Variants in NAV2 observed in about 807,000 individuals in gnomAD.
NAV2 encodes neuron navigator 2, also known as helicase, APC down-regulated 1.
Under a neutral mutation model 223.2 loss-of-function variants are expected in NAV2, and 54 were observed. The ratio of observed to expected loss-of-function variants is 0.24; its 90% CI spans 0.19 to 0.30. NAV2 has a LOEUF of 0.30. Ranked by LOEUF, NAV2 falls within the 10% of genes least tolerant of loss-of-function variation. The pLI is 1.00. For missense variants in NAV2, 2,806 were observed against 3,147.5 expected (o/e 0.89, Z 2.60); for synonymous variants, 1,279 against 1,239.3 (o/e 1.03, Z -0.67).
chr11:19,910,351 C>T (rs1212858745), intron 6 of NAV2, among the ~76,000 whole-genome samples: 2 of 152,120 alleles, frequency 1.3e-5, no homozygotes, highest in Non-Finnish European at 1.5e-5. Flanking sequence ...ATGAACAAAA[C>T]CAGCCAATGC....
chr11:19,510,580 A>G (rs1306220082), intron 1 of NAV2, among the ~76,000 whole-genome samples: 3 of 152,164 alleles, frequency 2.0e-5, no homozygotes, highest in Non-Finnish European at 4.4e-5. Flanking sequence ...AGGTGAGAGG[A>G]GGTTAATTAC....
chr11:19,949,214 G>T (rs1312778562), intron 10 of NAV2, 134 bp downstream of exon 10: 5 of 1,001,364 alleles, frequency 5.0e-6, no homozygotes, highest in Non-Finnish European at 7.1e-6. Context: ...CCATATCAAA[G>T]GCTGTGTGAC....
At chr11:19,500,454 T>C (rs1032191) in intron 1 of NAV2, among the ~76,000 whole-genome samples, 125,178 of 152,214 alleles carry the variant, frequency 0.82, 51,909 homozygotes, top group Non-Finnish European at 0.89. Flanking sequence ...CACCCATTCC[T>C]ATCCCCAATT....
At chr11:20,021,425 C>A (rs2054496458) in intron 11 of NAV2, among the ~76,000 whole-genome samples, 1 of 152,154 alleles carries the variant, frequency 6.6e-6, no homozygotes, top group South Asian at 2.1e-4. Flanking sequence ...ACAATGGAAA[C>A]TTTTTAGAGC....
intron 1 of NAV2, among the ~76,000 whole-genome samples, chr11:19,682,510 A>T (rs1445677656): frequency 6.6e-6 from 1 of 152,224 alleles, no homozygotes; most frequent in Non-Finnish European, 1.5e-5. Context: ...GTATTGTGTC[A>T]GTCCATTTGT....
At chr11:19,551,896 CT>C (rs1433934952) in intron 1 of NAV2, among the ~76,000 whole-genome samples, 4 of 137,680 alleles carry the variant, frequency 2.9e-5, no homozygotes, top group African/African-American at 1.4e-4. Context: ...CTCCTCTCCT[CT>C]TCTCTCTCTC....
At chr11:19,456,483 G>A (rs1851962309) in intron 1 of NAV2, among the ~76,000 whole-genome samples, 3 of 152,304 alleles carry the variant, frequency 2.0e-5, no homozygotes, top group Non-Finnish European at 2.9e-5. Flanking sequence ...AGGAGCCACA[G>A]AGAGGCTGTG....
intron 1 of NAV2, among the ~76,000 whole-genome samples, chr11:19,656,218 C>A (rs1173860360): frequency 6.6e-6 from 1 of 152,158 alleles, no homozygotes; most frequent in Non-Finnish European, 1.5e-5. Context: ...CAGAGACCAC[C>A]ATTACCAGGG....
chr11:19,476,341 A>G (rs1390969834), intron 1 of NAV2, among the ~76,000 whole-genome samples: 1 of 152,180 alleles, frequency 6.6e-6, no homozygotes, highest in Non-Finnish European at 1.5e-5. Flanking sequence ...ATTAAGATGT[A>G]AGATAATGCA....
intron 1 of NAV2, among the ~76,000 whole-genome samples, chr11:19,526,036 C>G (rs2043833862): frequency 6.6e-6 from 1 of 152,046 alleles, no homozygotes; most frequent in African/African-American, 2.4e-5. Context: ...GAAATGTTGC[C>G]CCAGAAGAAG....
At chr11:19,401,767 G>C (rs1849695954) in intron 1 of NAV2, 1 of 152,148 alleles carries the variant, frequency 6.6e-6, no homozygotes, top group African/African-American at 2.4e-5. Flanking sequence ...TATATTTCAT[G>C]GAACACTAAA....
chr11:19,392,346 T>A (rs1456738389), intron 1 of NAV2, among the ~76,000 whole-genome samples: 1 of 151,672 alleles, frequency 6.6e-6, no homozygotes, highest in Non-Finnish European at 1.5e-5. Flanking sequence ...TATATTTTGT[T>A]CAGGAATATA....
At chr11:19,538,918 A>G (rs2134505415) in intron 1 of NAV2, among the ~76,000 whole-genome samples, 1 of 145,978 alleles carries the variant, frequency 6.9e-6, no homozygotes, top group East Asian at 1.9e-4. Flanking sequence ...TCTTTCCACT[A>G]TAATTTAAAG....
chr11:19,411,732 T>G (rs1850154369), intron 1 of NAV2, among the ~76,000 whole-genome samples: 1 of 152,102 alleles, frequency 6.6e-6, no homozygotes, highest in Non-Finnish European at 1.5e-5. Context: ...AAGGGCTATC[T>G]AAATCCAAGA....
chr11:19,478,100 A>T (rs900761759), intron 1 of NAV2, among the ~76,000 whole-genome samples: 7 of 152,192 alleles, frequency 4.6e-5, no homozygotes, highest in Non-Finnish European at 1.0e-4. Flanking sequence ...TATATATGTT[A>T]AAAAAATGTT....
chr11:19,797,144 G>T (rs922359695), intron 1 of NAV2, among the ~76,000 whole-genome samples: 2 of 152,126 alleles, frequency 1.3e-5, no homozygotes, highest in African/African-American at 4.8e-5. Flanking sequence ...ATGTGGGCCT[G>T]GTCGGCATGA....
Position 19,372,377 on chromosome 11 carries a change from G to A in NAV2, c.75+21350G>A, listed in dbSNP as rs2133865793. Among the ~76,000 whole-genome samples, 2 of 152,308 alleles carry A rather than the reference G, an allele frequency of 1.3e-5. 1 individual carries two copies. The highest frequency in any genetic ancestry group is 6.8e-3 in the Middle Eastern group (2 of 294). ...CCTTTGAAATCTGGGAGCTTTCTCTGCTGCCCCATCCACTGGGCTCAGTAC... is the reference window on the plus strand; with the variant it reads ...CCTTTGAAATCTGGGAGCTTTCTCTACTGCCCCATCCACTGGGCTCAGTAC... On this transcript the variant is annotated intron_variant, in intron 1 of 37. Transcript: ENST00000360655.
At chr11:19,489,399 T>C (rs940664436) in intron 1 of NAV2, among the ~76,000 whole-genome samples, 3 of 152,214 alleles carry the variant, frequency 2.0e-5, no homozygotes, top group Admixed American at 6.5e-5. Flanking sequence ...AGGAACACTG[T>C]GTACTATGAT....
intron 1 of NAV2, among the ~76,000 whole-genome samples, chr11:19,419,169 G>A (rs1275369736): frequency 1.3e-5 from 2 of 152,152 alleles, no homozygotes; most frequent in Non-Finnish European, 2.9e-5. Context: ...CATGGCCCCT[G>A]CCTGCAAGTA....
Sources: allele counts gnomAD v4.1 joint callset (sites outside exome capture counted in the v4.1 genomes callset), GRCh38; gene constraint gnomAD v4.1.1; transcripts MANE v1.5; gene names NCBI Gene and HGNC (gene_info 2026-07-23, HGNC 2026-07-21).